Variants in DNMT3L observed in about 807,000 individuals in gnomAD.
The protein encoded by DNMT3L is DNA (cytosine-5)-methyltransferase 3-like.
Under a neutral mutation model 36.2 loss-of-function variants are expected in DNMT3L, and 33 were observed. The ratio of observed to expected loss-of-function variants is 0.91; its 90% CI spans 0.69 to 1.22. DNMT3L has a LOEUF of 1.22. DNMT3L is among the 50% of genes most tolerant of loss of function. The pLI is 0.00. For synonymous variants in DNMT3L, 117 were observed against 121.7 expected, an observed-to-expected ratio of 0.96 and a Z score of 0.26; for missense variants, 310 against 303.1, an observed-to-expected ratio of 1.02 and a Z score of -0.17.
At chr21:44,256,746 AC>A (rs2040262313) in intron 6 of DNMT3L, among the ~76,000 whole-genome samples, 1 of 151,682 alleles carries the variant, frequency 6.6e-6, no homozygotes, top group Non-Finnish European at 1.5e-5. Context: ...GTTTTCCCTG[AC>A]CCTGCCAACC....
chr21:44,256,124 G>C lies in DNMT3L; in HGVS notation c.547C>G (p.Pro183Ala). The C allele has an allele frequency of 8.7e-6, 14 of 1,613,936 alleles. No individual in the cohort carries two copies. Among genetic ancestry groups the C allele is most frequent in the Non-Finnish European group, 1.2e-5 (14 of 1,179,998 alleles). ...ENPLEMFETV[P>A]VWRRQPVRVL... ...CGGACTGGCTGTCTCCTCCACACAG[G>C]CACGGTTTCGAACATCTCAAGGGGA... Residue 183 changes from proline (P) to alanine (A), a missense_variant, in exon 7 of 12, where the codon CCT becomes GCT. Transcript: ENST00000628202.
chr21:44,256,243 ACACT>A, intron 6 of DNMT3L, 89 bp from the exon 7 acceptor site: 1 of 1,356,718 alleles, frequency 7.4e-7, no homozygotes, highest in Non-Finnish European at 1.0e-6. Context: ...CCCTGGATGA[ACACT>A]CACTCGAGAC....
At chr21:44,257,977 A>G (rs1377191521) in intron 6 of DNMT3L, among the ~76,000 whole-genome samples, 4 of 152,238 alleles carry the variant, frequency 2.6e-5, no homozygotes, top group Non-Finnish European at 5.9e-5. Context: ...CAGTGACACT[A>G]GTCGCTGCAT....
intron 8 of DNMT3L, among the ~76,000 whole-genome samples, chr21:44,253,638 G>C (rs763306281): frequency 1.6e-4 from 24 of 152,306 alleles, no homozygotes; most frequent in Non-Finnish European, 3.4e-4. Flanking sequence ...AGACTCGCCT[G>C]AACCCTGGAG....
intron 6 of DNMT3L, among the ~76,000 whole-genome samples, chr21:44,256,389 G>C (rs540823171): frequency 1.3e-5 from 2 of 150,538 alleles, no homozygotes; most frequent in African/African-American, 4.9e-5. Flanking sequence ...GTCTCCAGCC[G>C]AGAGACAGTA....
chr21:44,257,697 T>A (rs201377564), intron 6 of DNMT3L, among the ~76,000 whole-genome samples: 12,088 of 47,598 alleles, frequency 0.25, 801 homozygotes, highest in East Asian at 0.38. Context: ...AAAAAAAAAA[T>A]AAATAAATAA....
intron 7 of DNMT3L, among the ~76,000 whole-genome samples, chr21:44,254,953 G>C (rs183269038): frequency 6.6e-6 from 1 of 152,152 alleles, no homozygotes; most frequent in African/African-American, 2.4e-5. Context: ...AACCTCCCGA[G>C]TAGCTGGGAC....
intron 2 of DNMT3L, 36 bp downstream of exon 2, chr21:44,261,118 C>T (rs1281208647): frequency 6.2e-7 from 1 of 1,604,622 alleles, no homozygotes; most frequent in East Asian, 2.2e-5. Context: ...GATCAGCATC[C>T]TAAGTGACTG....
At chr21:44,255,989 C>G in intron 7 of DNMT3L, 78 bp downstream of exon 7, 2 of 1,492,702 alleles carry the variant, frequency 1.3e-6, no homozygotes, top group Non-Finnish European at 1.9e-6. Context: ...GGTGGGGAGT[C>G]CCGGGGGGTG....
chr21:44,256,788 C>T (rs2040262609), intron 6 of DNMT3L, among the ~76,000 whole-genome samples: 1 of 152,152 alleles, frequency 6.6e-6, no homozygotes, highest in African/African-American at 2.4e-5. Flanking sequence ...CAGCTCCAGC[C>T]TCACATGCTC....
intron 8 of DNMT3L, among the ~76,000 whole-genome samples, chr21:44,254,405 G>A (rs997504764): frequency 6.6e-6 from 1 of 152,164 alleles, no homozygotes; most frequent in African/African-American, 2.4e-5. Context: ...CCTCCGCTGC[G>A]GGGCATCACA....
chr21:44,258,413 C>A lies in DNMT3L; in HGVS notation c.516+110G>T. On this transcript the variant is annotated intron_variant, in intron 6 of 11. Transcript: ENST00000628202. The surrounding 1 kb of genome is among the most constrained non-coding windows in gnomAD (Gnocchi z 6.2). Reference sequence around the variant, plus strand: ...CAGGAAAGAGTGTTTGCTCCCGAGGCTGCAGCCGTGGTGCCCGTCGGCGCG... The same window carrying A: ...CAGGAAAGAGTGTTTGCTCCCGAGGATGCAGCCGTGGTGCCCGTCGGCGCG... 1 of 1,398,384 alleles carries A rather than the reference C, an allele frequency of 7.2e-7. No homozygotes were observed. The highest frequency in any genetic ancestry group is 9.5e-7 in the Non-Finnish European group (1 of 1,055,476). The allele number at this position is 1,398,384 out of a possible 1,614,324, so 86.6% of individuals were successfully genotyped here.
chr21:44,261,238 C>T lies in DNMT3L; in HGVS notation c.22G>A (p.Asp8Asn). MAAIPAL[D>N]PEAEPSMDVI... is the part of the protein sequence containing the mutation. ...TCCATGCTGGGCTCGGCCTCTGGGT[C>T]CAGGGCTGGGATGGCCGCCATGGGG... Residue 8 changes from aspartate to asparagine, a missense_variant, in exon 2 of 12, where the codon GAC (aspartate) becomes AAC (asparagine). Asp to Asn is a conservative substitution (Grantham distance 23). Transcript: ENST00000628202. The T allele has an allele frequency of 6.2e-7, 1 of 1,612,604 alleles. No homozygotes were observed. The highest frequency in any genetic ancestry group is 8.5e-7 in the Non-Finnish European group (1 of 1,179,870).
chr21:44,258,585 C>T lies in DNMT3L; in HGVS notation c.454G>A (p.Gly152Arg), dbSNP rs547923109. Residue 152 changes from glycine (G) to arginine (R), a missense_variant, in exon 6 of 12, where the codon GGG becomes AGG. Physicochemically the swap from Gly to Arg is moderately radical, Grantham distance 125. Coordinates refer to ENST00000628202, the MANE Select transcript of DNMT3L (RefSeq NM_175867.3). This position sits in a 1 kb window ranked among gnomAD's most constrained non-coding sequence, Gnocchi z 6.2. ...CYLCLPSSRS[G>R]LLQRRRKWRS... ...CACTTCCTCCGACGCTGCAGCAGCC[C>T]GCTTCGGGAGGACGGCAGGCACAGG... 16 of 1,610,130 alleles carry T rather than the reference C, an allele frequency of 9.9e-6. No homozygotes were observed. The highest frequency in any genetic ancestry group is 8.9e-5 in the East Asian group (4 of 44,748).
Position 44,259,526 on chromosome 21 carries a change from GA to G in DNMT3L, c.254del (p.Phe85SerfsTer53). 6.2e-6 allele frequency: 10 copies of G among 1,613,734 alleles called. No individual in the cohort carries two copies. Among genetic ancestry groups the G allele is most frequent in the Non-Finnish European group, 7.6e-6 (9 of 1,180,022 alleles). On this transcript the variant is annotated frameshift_variant, in exon 5 of 12. Coordinates refer to ENST00000628202, the MANE Select transcript of DNMT3L (RefSeq NM_175867.3). LOFTEE classifies it high-confidence loss of function. ...ATTGGTACCCGTCATCGTCGTACAGGAAGAGGGCATCCAGGAACTTGTCCTT... is the reference window on the plus strand; with the variant it reads ...ATTGGTACCCGTCATCGTCGTACAGGAGAGGGCATCCAGGAACTTGTCCTT... Reference protein sequence around the residue: ...PCKDKFLDALFLYDDDGYQSY... With the variant: ...PCKDKFLDALXLYDDDGYQSY...
rs933879709 is a variant in DNMT3L, at chr21:44,257,709, T to A, written c.516+814A>T. Among the ~76,000 whole-genome samples the A allele has an allele frequency of 9.3e-3, 1,226 of 132,000 alleles. 17 individuals are homozygous for A. Among genetic ancestry groups the A allele is most frequent in the African/African-American group, 0.012 (408 of 34,434 alleles). 86.6% of individuals were successfully genotyped at this position (132,000 alleles called of 152,430 possible). On this transcript the variant is annotated intron_variant, in intron 6 of 11. Coordinates refer to ENST00000628202, the MANE Select transcript of DNMT3L (RefSeq NM_175867.3). ...AAAAAAAAAAAAATAAATAAATAAA[T>A]AAATAAATAAATAAAAAACAGACCA...
At chr21:44,261,392 C>T (rs540732482) in intron 1 of DNMT3L, 126 bp from the exon 2 acceptor site, 37 of 830,348 alleles carry the variant, frequency 4.5e-5, no homozygotes, top group South Asian at 1.6e-4. Flanking sequence ...CCTGAACCCC[C>T]GCGGTGACAC....
intron 6 of DNMT3L, among the ~76,000 whole-genome samples, chr21:44,256,747 C>T (rs73907135): frequency 0.024 from 3,695 of 152,144 alleles, 148 homozygotes; most frequent in African/African-American, 0.083. Flanking sequence ...TTTTCCCTGA[C>T]CCTGCCAACC....
At chr21:44,254,124 C>T (rs1234753156) in intron 8 of DNMT3L, among the ~76,000 whole-genome samples, 1 of 152,172 alleles carries the variant, frequency 6.6e-6, no homozygotes, top group African/African-American at 2.4e-5. Context: ...ACAGGGGGAA[C>T]GCACGACTGG....
Sources: allele counts gnomAD v4.1 joint callset (sites outside exome capture counted in the v4.1 genomes callset), GRCh38; gene constraint gnomAD v4.1.1; non-coding constraint Gnocchi (gnomAD v3.1); transcripts MANE v1.5; gene names NCBI Gene and HGNC (gene_info 2026-07-23, HGNC 2026-07-21).